The following ZNF569 variants were observed in gnomAD, a reference collection of about 807,000 sequenced individuals.
ZNF569 encodes DNA-binding protein.
ZNF569 carries 38 observed loss-of-function variants against 56.3 expected under a neutral mutation model. That is an observed-to-expected ratio of 0.68 (90% CI 0.52 to 0.88). The LOEUF (loss-of-function observed/expected upper bound fraction) is 0.88. Ranked by LOEUF, ZNF569 falls within the 40% of genes least tolerant of loss-of-function variation. ZNF569 has a pLI of 0.00. For synonymous variants in ZNF569, 241 were observed against 262.9 expected (o/e 0.92, Z 0.81); for missense variants, 666 against 809.2 (o/e 0.82, Z 2.15).
chr19:37,424,797 C>T (rs139441832), intron 5 of ZNF569, among the ~76,000 whole-genome samples: 3,830 of 114,852 alleles, frequency 0.033, 180 homozygotes, highest in African/African-American at 0.12. Flanking sequence ...GCCTGGGTGA[C>T]AGAGTGAGAC....
upstream of ZNF569, chr19:37,467,966 C>A: frequency 6.5e-7 from 1 of 1,535,312 alleles, no homozygotes; most frequent in South Asian, 1.2e-5. Flanking sequence ...GACCCGGGAT[C>A]GTGAGCGAAA....
chr19:37,433,232 CA>C (rs1328719646), intron 3 of ZNF569, among the ~76,000 whole-genome samples: 1 of 151,802 alleles, frequency 6.6e-6, no homozygotes, highest in Non-Finnish European at 1.5e-5. Flanking sequence ...AGTCACTGAA[CA>C]ACAGAATTGA....
intron 2 of ZNF569, among the ~76,000 whole-genome samples, chr19:37,461,031 G>A (rs1041794085): frequency 1.3e-5 from 2 of 152,100 alleles, no homozygotes; most frequent in African/African-American, 2.4e-5. Context: ...GAGATGCCAG[G>A]GAACCACTCC....
rs758372127 is a variant in ZNF569 at position 37,414,114 on chromosome 19, C to A, written c.544G>T (p.Val182Phe). The change falls in exon 6 of 6, where the codon GTC becomes TTC. Residue 182 changes from valine to phenylalanine, a missense_variant. By Grantham distance (50) the Val-to-Phe change is conservative. Coordinates refer to ENST00000316950, the MANE Select transcript of ZNF569 (RefSeq NM_152484.3). ...TGATTACACTTAAAGGGGGTAATGACAAAATGGGATGAGCTATTACCATAT... is the reference window on the plus strand; with the variant it reads ...TGATTACACTTAAAGGGGGTAATGAAAAAATGGGATGAGCTATTACCATAT... ...KSYGNSSSHF[V>F]ITPFKCNHCG... 1 of 1,613,790 alleles carries A rather than the reference C, an allele frequency of 6.2e-7. No homozygotes were observed. The highest frequency in any genetic ancestry group is 1.1e-5 in the South Asian group (1 of 91,062).
chr19:37,415,076 A>C (rs749295101), intron 5 of ZNF569, among the ~76,000 whole-genome samples: 59 of 152,248 alleles, frequency 3.9e-4, no homozygotes, highest in Non-Finnish European at 7.1e-4. Flanking sequence ...AAACCTGACA[A>C]AGATGACACA....
chr19:37,421,160 C>T (rs887583898), intron 5 of ZNF569, among the ~76,000 whole-genome samples: 1 of 152,080 alleles, frequency 6.6e-6, no homozygotes, highest in African/African-American at 2.4e-5. Context: ...TTATAGAGCA[C>T]GAGCAGGGTG....
intron 3 of ZNF569, among the ~76,000 whole-genome samples, chr19:37,428,524 TAA>T (rs577659092): frequency 3.2e-4 from 28 of 87,954 alleles, no homozygotes; most frequent in Admixed American, 4.0e-4. Flanking sequence ...CCCTGTCTCT[TAA>T]AAAAAAAAAA....
intron 2 of ZNF569, among the ~76,000 whole-genome samples, chr19:37,445,522 A>C (rs1399909586): frequency 6.6e-6 from 1 of 152,166 alleles, no homozygotes; most frequent in East Asian, 1.9e-4. Context: ...GCTGCTGCTG[A>C]TGACATGATT....
chr19:37,455,715 C>T (rs1488264752), intron 2 of ZNF569, among the ~76,000 whole-genome samples: 2 of 152,098 alleles, frequency 1.3e-5, no homozygotes, highest in East Asian at 1.9e-4. Context: ...GTCTTCTCTC[C>T]ACTATTTCCA....
intron 2 of ZNF569, among the ~76,000 whole-genome samples, chr19:37,450,447 TCA>T (rs936890645): frequency 5.3e-5 from 8 of 152,202 alleles, no homozygotes; most frequent in African/African-American, 1.4e-4. Context: ...GTATAATTGT[TCA>T]CAGTTTTTTC....
chr19:37,437,233 T>C (rs1310056480), intron 3 of ZNF569, among the ~76,000 whole-genome samples: 1 of 152,106 alleles, frequency 6.6e-6, no homozygotes, highest in Admixed American at 6.5e-5. Context: ...ACAAAAACCA[T>C]ATGATCATTT....
chr19:37,442,493 T>C (rs1297585671), intron 3 of ZNF569, among the ~76,000 whole-genome samples: 1 of 152,104 alleles, frequency 6.6e-6, no homozygotes, highest in African/African-American at 2.4e-5. Context: ...AGGGGCTTTG[T>C]AAGGGACGTT....
At chr19:37,433,109 T>C (rs2041252666) in intron 3 of ZNF569, among the ~76,000 whole-genome samples, 1 of 151,992 alleles carries the variant, frequency 6.6e-6, no homozygotes, top group African/African-American at 2.4e-5. Flanking sequence ...TCTCACTACG[T>C]TGCCCAAGCT....
At chr19:37,461,437 G>A (rs141405251) in intron 2 of ZNF569, among the ~76,000 whole-genome samples, 4,566 of 151,826 alleles carry the variant, frequency 0.03, 209 homozygotes, top group African/African-American at 0.096. Context: ...CTCCAGAGTA[G>A]CTGGGACTAC....
chr19:37,446,549 CAAAAAAAAA>C (rs74174464), intron 2 of ZNF569, among the ~76,000 whole-genome samples: 2 of 60,454 alleles, frequency 3.3e-5, no homozygotes, highest in African/African-American at 6.6e-5. Context: ...GACTCCATCT[CAAAAAAAAA>C]AAAAAAAAAA....
chr19:37,426,649 C>G (rs1381985075), intron 3 of ZNF569, among the ~76,000 whole-genome samples: 2 of 152,106 alleles, frequency 1.3e-5, no homozygotes, highest in Non-Finnish European at 2.9e-5. Flanking sequence ...GGTTTGAGAT[C>G]TCACAAGATA....
upstream of ZNF569, chr19:37,467,937 C>T (rs375093365): frequency 1.3e-6 from 2 of 1,536,084 alleles, no homozygotes. Flanking sequence ...GTGAGTGTGA[C>T]AGTGTTATTG....
At position 37,411,378 on chromosome 19, in the gene ZNF569, T is replaced by C. The variant is rs987697753; in HGVS notation, c.*1219A>G. 1 of 152,198 alleles carries C rather than the reference T, an allele frequency of 6.6e-6. No individual in the cohort carries two copies. The highest frequency in any genetic ancestry group is 6.5e-5 in the Admixed American group (1 of 15,288). 9.4% of individuals were successfully genotyped at this position (152,198 alleles called of 1,614,324 possible). Reference sequence around the variant, plus strand: ...TATTATATATTGTAATCTATCCATATAACTATAGGTAGATTTTGTTTCTAA... The same window carrying C: ...TATTATATATTGTAATCTATCCATACAACTATAGGTAGATTTTGTTTCTAA... On this transcript the variant is annotated 3_prime_UTR_variant, in exon 6 of 6. Transcript: ENST00000316950.
At chr19:37,450,816 T>C (rs1331934055) in intron 2 of ZNF569, among the ~76,000 whole-genome samples, 1 of 152,158 alleles carries the variant, frequency 6.6e-6, no homozygotes, top group African/African-American at 2.4e-5. Flanking sequence ...AGTTTTGGTA[T>C]GTTGTGTTTT....
Sources: allele counts gnomAD v4.1 joint callset (sites outside exome capture counted in the v4.1 genomes callset), GRCh38; gene constraint gnomAD v4.1.1; transcripts MANE v1.5; gene names NCBI Gene and HGNC (gene_info 2026-07-23, HGNC 2026-07-21).